The following RERE variants were observed in gnomAD, a reference collection of about 807,000 sequenced individuals.
The protein encoded by RERE is arginine-glutamic acid dipeptide repeats.
RERE carries 40 observed loss-of-function variants against 146.1 expected under a neutral mutation model. That is an observed-to-expected ratio of 0.27 (90% CI 0.21 to 0.36). The LOEUF is 0.36. RERE is among the 10% of genes least tolerant of loss of function. RERE has a pLI of 1.00. For synonymous variants in RERE, 1,003 were observed against 866.0 expected (o/e 1.16, Z -2.78); for missense variants, 1,933 against 2,138.7 (o/e 0.90, Z 1.90).
At chr1:8,656,876 G>A (rs1215049357) in intron 1 of RERE, among the ~76,000 whole-genome samples, 1 of 152,144 alleles carries the variant, frequency 6.6e-6, no homozygotes, top group Non-Finnish European at 1.5e-5. Flanking sequence ...CATTTTGAGA[G>A]GCCAAGCCAG....
At chr1:8,764,857 G>T (rs1640819052) in intron 1 of RERE, among the ~76,000 whole-genome samples, 1 of 152,184 alleles carries the variant, frequency 6.6e-6, no homozygotes, top group Admixed American at 6.5e-5. Flanking sequence ...AAGTATTAGT[G>T]CTAATGTGGA....
chr1:8,380,841 G>T, intron 12 of RERE: 1 of 456,748 alleles, frequency 2.2e-6, no homozygotes, highest in Non-Finnish European at 4.4e-6. Context: ...AGAGAGGGGC[G>T]TTCCAGAGCT....
chr1:8,792,667 G>C (rs1053011253), intron 1 of RERE: 1 of 152,184 alleles, frequency 6.6e-6, no homozygotes, highest in Non-Finnish European at 1.5e-5. Context: ...AGTTTCATTA[G>C]CATTTTCCAA....
chr1:8,469,108 G>A (rs1644645589), intron 10 of RERE, among the ~76,000 whole-genome samples: 1 of 151,630 alleles, frequency 6.6e-6, no homozygotes, highest in Admixed American at 6.6e-5. Context: ...CGACATGTGA[G>A]GATAATATTA....
intron 1 of RERE, among the ~76,000 whole-genome samples, chr1:8,670,255 CAGG>C (rs1228446361): frequency 2.0e-5 from 3 of 152,186 alleles, no homozygotes; most frequent in Admixed American, 6.5e-5. Flanking sequence ...CCAGGGAGGG[CAGG>C]AGAAGTCCCA....
rs150576766 is a variant in RERE, at chr1:8,486,078, G to A, written c.1104+8985C>T. The stretch of plus-strand genomic sequence containing the variant: ...CTCCCAAAGTGCTGGAATTACAGGC[G>A]TAAGCCACCGCGCCTGGCCTACAAT... On this transcript the variant is annotated intron_variant, in intron 10 of 22. Transcript: ENST00000400908. Among the ~76,000 whole-genome samples the A allele has an allele frequency of 6.0e-3, 919 of 152,222 alleles. 7 individuals carry two copies. Among genetic ancestry groups the A allele is most frequent in the African/African-American group, 0.021 (892 of 41,512 alleles).
intron 1 of RERE, among the ~76,000 whole-genome samples, chr1:8,671,614 CT>C (rs1638720042): frequency 6.6e-6 from 1 of 152,122 alleles, no homozygotes; most frequent in Non-Finnish European, 1.5e-5. Context: ...TAAATTAATT[CT>C]AAAAAGAGTT....
intron 1 of RERE, among the ~76,000 whole-genome samples, chr1:8,672,542 C>G: frequency 6.6e-6 from 1 of 152,282 alleles, no homozygotes; most frequent in Middle Eastern, 3.4e-3. Flanking sequence ...TTTCCAGCAA[C>G]GAGAGAAAAT....
In RERE at chr1:8,380,852, G is replaced by A. The variant is rs74828351; in HGVS notation, c.1285-14878C>T. 1,636 of 456,752 alleles carry A rather than the reference G, an allele frequency of 3.6e-3. 21 individuals carry two copies. Among genetic ancestry groups the A allele is most frequent in the African/African-American group, 0.03 (1,483 of 50,198 alleles). 28.3% of individuals were successfully genotyped at this position (456,752 alleles called of 1,614,324 possible). On this transcript the variant is annotated intron_variant, in intron 12 of 22. Coordinates refer to ENST00000400908, the MANE Select transcript of RERE (RefSeq NM_001042681.2). ...GGGCAGAGAGGGGCGTTCCAGAGCT[G>A]GACCTTGGAGTCCTGGTCCTGAAAG...
intron 2 of RERE, among the ~76,000 whole-genome samples, chr1:8,644,369 G>A (rs768624204): frequency 6.6e-6 from 1 of 152,122 alleles, no homozygotes; most frequent in African/African-American, 2.4e-5. Context: ...AGTAGTTCCC[G>A]CCAACCAAGT....
At position 8,407,096 on chromosome 1, in the gene RERE, C is replaced by A. The variant is rs17385239; in HGVS notation, c.1284+15631G>T. 9.1e-3 allele frequency among the ~76,000 whole-genome samples: 1,384 copies of A among 152,286 alleles called. 16 individuals are homozygous for A. The highest frequency in any genetic ancestry group is 0.026 in the East Asian group (136 of 5,186). On this transcript the variant is annotated intron_variant, in intron 12 of 22. Coordinates refer to ENST00000400908, the MANE Select transcript of RERE (RefSeq NM_001042681.2). ...GTCTGCAGTGTTTGGGGCAGGCATTCGCATTAGGAAACCCTCTGTGGTACA... is the reference window on the plus strand; with the variant it reads ...GTCTGCAGTGTTTGGGGCAGGCATTAGCATTAGGAAACCCTCTGTGGTACA...
intron 11 of RERE, among the ~76,000 whole-genome samples, chr1:8,464,558 A>G (rs1644570486): frequency 6.6e-6 from 1 of 152,122 alleles, no homozygotes; most frequent in Non-Finnish European, 1.5e-5. Context: ...GCAGGCCAAC[A>G]GGTCACACCT....
Position 8,707,309 on chromosome 1 carries a change from A to G in RERE, c.-144-50868T>C, listed in dbSNP as rs151132154. Among the ~76,000 whole-genome samples, 13 of 152,396 alleles carry G rather than the reference A, an allele frequency of 8.5e-5. No homozygotes were observed. In the East Asian group the frequency reaches 2.3e-3, roughly 27 times the overall value. On this transcript the variant is annotated intron_variant, in intron 1 of 22. Coordinates refer to ENST00000400908, the MANE Select transcript of RERE (RefSeq NM_001042681.2). ...AAATCGAAAGTCTAGTTAAACTAAC[A>G]TTAAAGCTATGACCAGAAACATCAC...
chr1:8,571,733 C>A (rs1469360097), intron 4 of RERE, among the ~76,000 whole-genome samples: 2 of 152,162 alleles, frequency 1.3e-5, no homozygotes, highest in Admixed American at 1.3e-4. Flanking sequence ...TACAAACATG[C>A]CCTGATAGCT....
At chr1:8,452,868 G>A (rs1012888638) in intron 11 of RERE, among the ~76,000 whole-genome samples, 9 of 152,138 alleles carry the variant, frequency 5.9e-5, no homozygotes, top group African/African-American at 2.2e-4. Context: ...AGATACTCAG[G>A]CTCAGTAGAG....
chr1:8,675,004 T>C (rs908536952), intron 1 of RERE, among the ~76,000 whole-genome samples: 1 of 152,214 alleles, frequency 6.6e-6, no homozygotes, highest in Admixed American at 6.5e-5. Context: ...AGAAATCCCC[T>C]TTCTCACTTC....
At chr1:8,402,859 C>G (rs1296110510) in intron 12 of RERE, among the ~76,000 whole-genome samples, 1 of 152,062 alleles carries the variant, frequency 6.6e-6, no homozygotes, top group South Asian at 2.1e-4. Flanking sequence ...GCCTGGGGGG[C>G]GCTGGTGCTG....
rs143699458 is a variant in RERE, at chr1:8,444,750, T to C, written c.1203+21175A>G. ...CAAGATCTGGTTGTTTAAAAGTGTG[T>C]AGCAGCCCCACCCCCTTGCTCCTTC... On this transcript the variant is annotated intron_variant, in intron 11 of 22. Transcript: ENST00000400908. 2.6e-3 allele frequency among the ~76,000 whole-genome samples: 394 copies of C among 152,204 alleles called. 2 individuals carry two copies. Among genetic ancestry groups the C allele is most frequent in the African/African-American group, 8.5e-3 (353 of 41,524 alleles).
At chr1:8,516,735 G>A (rs550877101) in intron 7 of RERE, among the ~76,000 whole-genome samples, 4 of 152,260 alleles carry the variant, frequency 2.6e-5, no homozygotes, top group African/African-American at 4.8e-5. Flanking sequence ...ACAGAATGAT[G>A]AGAATCCATA....
Sources: allele counts gnomAD v4.1 joint callset (sites outside exome capture counted in the v4.1 genomes callset), GRCh38; gene constraint gnomAD v4.1.1; transcripts MANE v1.5; gene names NCBI Gene and HGNC (gene_info 2026-07-23, HGNC 2026-07-21).